The following ANKRD36 variants were observed in gnomAD, a reference collection of about 807,000 sequenced individuals.
ANKRD36 encodes ankyrin repeat domain 36, also known as ankyrin repeat domain-containing protein 36A.
ANKRD36 carries 179 observed loss-of-function variants against 278.1 expected under a neutral mutation model. That is an observed-to-expected ratio of 0.64 (90% confidence interval 0.57 to 0.73). ANKRD36 has a LOEUF of 0.73. ANKRD36 is among the 30% of genes least tolerant of loss of function. The pLI is 0.00. For missense variants in ANKRD36, 1,159 were observed against 1,956.7 expected, an observed-to-expected ratio of 0.59 and a Z score of 7.69; for synonymous variants, 320 against 641.1, an observed-to-expected ratio of 0.50 and a Z score of 7.57.
intron 44 of ANKRD36, among the ~76,000 whole-genome samples, chr2:97,199,646 A>G (rs1403396270): frequency 6.6e-6 from 1 of 151,926 alleles, no homozygotes; most frequent in African/African-American, 2.4e-5. Flanking sequence ...TGATATTTTT[A>G]TTGAGGCTAA....
chr2:97,263,206 A>G (rs2076921178), intron 75 of ANKRD36, among the ~76,000 whole-genome samples: 1 of 132,788 alleles, frequency 7.5e-6, no homozygotes, highest in African/African-American at 3.0e-5. Context: ...ATGAACAGTG[A>G]AGGCCATGCT....
At chr2:97,181,246 G>A (rs1248806344) in intron 24 of ANKRD36, among the ~76,000 whole-genome samples, 2 of 151,568 alleles carry the variant, frequency 1.3e-5, no homozygotes, top group Admixed American at 6.6e-5. Flanking sequence ...AAGACATGAG[G>A]GATCATATAC....
intron 40 of ANKRD36, among the ~76,000 whole-genome samples, chr2:97,196,281 C>A (rs537068785): frequency 3.3e-5 from 5 of 152,034 alleles, no homozygotes; most frequent in East Asian, 2.0e-4. Flanking sequence ...GTGAGTTGCT[C>A]CTCTGATTTT....
At chr2:97,169,076 A>C (rs1339083360) in intron 22 of ANKRD36, among the ~76,000 whole-genome samples, 1 of 152,234 alleles carries the variant, frequency 6.6e-6, no homozygotes, top group African/African-American at 2.4e-5. Context: ...TCCCACCAAC[A>C]ATATAAAAGC....
intron 6 of ANKRD36, among the ~76,000 whole-genome samples, chr2:97,129,150 A>G: frequency 6.6e-6 from 1 of 152,028 alleles, no homozygotes; most frequent in Non-Finnish European, 1.5e-5. Flanking sequence ...CTGACTTTTT[A>G]ATGATCGCCA....
chr2:97,116,426 T>A (rs2035381669), intron 1 of ANKRD36, among the ~76,000 whole-genome samples: 2 of 151,854 alleles, frequency 1.3e-5, no homozygotes, highest in East Asian at 1.9e-4. Context: ...GGTGTGCGCC[T>A]CCATGCCCAG....
chr2:97,259,009 G>A (rs1397026324), intron 75 of ANKRD36, among the ~76,000 whole-genome samples: 3 of 144,400 alleles, frequency 2.1e-5, no homozygotes, highest in Middle Eastern at 3.5e-3. Flanking sequence ...TGAAAGTTGG[G>A]TTGTTTGATT....
chr2:97,230,407 C>A (rs567945235), intron 67 of ANKRD36, among the ~76,000 whole-genome samples: 809 of 151,996 alleles, frequency 5.3e-3, no homozygotes, highest in Admixed American at 8.6e-3. Context: ...ATCACTGATA[C>A]CCTTTCTTCC....
chr2:97,165,915 A>C (rs2050520769), intron 20 of ANKRD36, among the ~76,000 whole-genome samples: 2 of 152,380 alleles, frequency 1.3e-5, no homozygotes, highest in South Asian at 4.1e-4. Context: ...TAATGCTCTC[A>C]TTTTTCATGT....
chr2:97,191,480 C>T lies in ANKRD36; in HGVS notation c.2347+299C>T, dbSNP rs541994531. Reference sequence around the variant, plus strand: ...TTTTGCTTTAACTCTACAGCGTTTTCAGTAAGGGTGGAAGGAGAAAGAGAG... The same window carrying T: ...TTTTGCTTTAACTCTACAGCGTTTTTAGTAAGGGTGGAAGGAGAAAGAGAG... On this transcript the variant is annotated intron_variant, in intron 36 of 75. Coordinates refer to ENST00000420699, the MANE Select transcript of ANKRD36 (RefSeq NM_001354587.1). Among the ~76,000 whole-genome samples, 4 of 151,686 alleles carry T rather than the reference C, an allele frequency of 2.6e-5. No homozygotes were observed. The East Asian group carries it at 7.9e-4, about 30-fold the overall frequency.
intron 40 of ANKRD36, among the ~76,000 whole-genome samples, chr2:97,196,176 A>T (rs1438437235): frequency 6.6e-6 from 1 of 151,956 alleles, no homozygotes; most frequent in African/African-American, 2.4e-5. Flanking sequence ...AGCATGATGA[A>T]TGTTTGTAGT....
At chr2:97,147,464 A>G (rs1045117249) in intron 11 of ANKRD36, among the ~76,000 whole-genome samples, 1 of 151,928 alleles carries the variant, frequency 6.6e-6, no homozygotes, top group African/African-American at 2.4e-5. Context: ...AGACTAAACA[A>G]AGTATCCTCT....
chr2:97,210,927 G>A (rs2064320957), intron 56 of ANKRD36, among the ~76,000 whole-genome samples: 1 of 151,838 alleles, frequency 6.6e-6, no homozygotes. Context: ...CTAAACTAGT[G>A]GATACAAGAA....
Position 97,194,841 on chromosome 2 carries a change from T to G in ANKRD36, c.2479-4T>G, listed in dbSNP as rs1458386041. On this transcript the variant is annotated splice_polypyrimidine_tract_variant and splice_region_variant and intron_variant, in intron 39 of 75. Transcript: ENST00000420699. ...TTTATTATTTTGTTTCAAATTCCAC[T>G]CAGGCTACAAGTGATGAGAAGGATT... is the stretch of plus-strand genomic sequence containing the variant. 6.3e-7 allele frequency: 1 copy of G among 1,593,506 alleles called. No individual in the cohort carries two copies. The highest frequency in any genetic ancestry group is 1.8e-5 in the Admixed American group (1 of 57,100).
At chr2:97,139,226 G>C (rs1196779512) in intron 6 of ANKRD36, among the ~76,000 whole-genome samples, 4 of 151,930 alleles carry the variant, frequency 2.6e-5, no homozygotes, top group African/African-American at 9.7e-5. Flanking sequence ...ATTCTGAGCT[G>C]TTATGGTCTT....
rs558575885 is a variant in ANKRD36, at chr2:97,189,229, C to T, written c.2184C>T (p.Asp728=). Residue 728 remains aspartate, a synonymous_variant, in exon 34 of 76, where the codon GAC becomes GAT. Coordinates refer to ENST00000420699, the MANE Select transcript of ANKRD36 (RefSeq NM_001354587.1). ...QKQPALKATT[D]EEDSVSNIAT... is the part of the protein sequence containing the mutation. ...CAAATTCCATTAAGGCTACAACTGA[C>T]GAGGAAGATTCTGTTTCGAATATAG... 42 of 757,040 alleles carry T rather than the reference C, an allele frequency of 5.5e-5. 5 individuals carry two copies. The East Asian group carries it at 5.9e-4, about 11-fold the overall frequency. The allele number at this position is 757,040 out of a possible 1,614,324, so 46.9% of individuals were successfully genotyped here. A position where few individuals can be genotyped will look rare whatever the true frequency, so the allele number is the denominator to read the frequency against.
intron 18 of ANKRD36, 113 bp from the exon 19 acceptor site, chr2:97,164,170 A>G (rs2049993972): frequency 6.7e-7 from 1 of 1,490,308 alleles, no homozygotes; most frequent in Non-Finnish European, 8.9e-7. Context: ...CCTAATGGGT[A>G]ACAATTTCAA....
chr2:97,159,310 T>C (rs999660844), intron 17 of ANKRD36, among the ~76,000 whole-genome samples: 1 of 152,106 alleles, frequency 6.6e-6, no homozygotes, highest in Non-Finnish European at 1.5e-5. Context: ...ATAACTTCAA[T>C]ATTTCTAGTT....
chr2:97,151,947 A>C lies in ANKRD36; in HGVS notation c.1162+8A>C, dbSNP rs2046111662. ...CACGATCTATAAAAGATGGTAAGTTATTTGAAGGCTGCCTATTGTAGTATT... is the reference window on the plus strand; with the variant it reads ...CACGATCTATAAAAGATGGTAAGTTCTTTGAAGGCTGCCTATTGTAGTATT... On this transcript the variant is annotated splice_region_variant and intron_variant, in intron 13 of 75. Coordinates refer to ENST00000420699, the MANE Select transcript of ANKRD36 (RefSeq NM_001354587.1). The C allele has an allele frequency of 6.9e-7, 1 of 1,450,510 alleles. No homozygotes were observed. Among genetic ancestry groups the C allele is most frequent in the East Asian group, 2.5e-5 (1 of 39,976 alleles). The allele number at this position is 1,450,510 out of a possible 1,614,324, so 89.9% of individuals were successfully genotyped here. A position where few individuals can be genotyped will look rare whatever the true frequency, so the allele number is the denominator to read the frequency against.
Sources: gnomAD v4.1 joint callset for allele counts (sites outside exome capture counted in the v4.1 genomes callset) on GRCh38, gnomAD v4.1.1 for gene constraint, MANE v1.5 for transcripts, NCBI Gene and HGNC (gene_info 2026-07-23, HGNC 2026-07-21) for gene names.